The following DSC3 variants were observed in gnomAD, a reference collection of about 807,000 sequenced individuals.
The protein encoded by DSC3 is desmocollin-3.
Under a neutral mutation model 89.5 loss-of-function variants are expected in DSC3, and 97 were observed. That is an observed-to-expected ratio of 1.08 (90% CI 0.92 to 1.28). The LOEUF (loss-of-function observed/expected upper bound fraction) is 1.28. DSC3 is among the 50% of genes most tolerant of loss of function. DSC3 has a pLI of 0.00. For synonymous variants in DSC3, 436 were observed against 384.1 expected (o/e 1.14, Z -1.58); for missense variants, 1,199 against 1,085.3 (o/e 1.10, Z -1.47).
At chr18:31,033,319 G>A (rs1230654595) in intron 1 of DSC3, among the ~76,000 whole-genome samples, 1 of 151,346 alleles carries the variant, frequency 6.6e-6, no homozygotes, top group African/African-American at 2.4e-5. Context: ...AAATAAAATT[G>A]AAAATGAAAA....
rs1984281004 is a variant in DSC3, at chr18:30,992,174, A to AGG, written c.*2000_*2001insCC. The AGG allele has an allele frequency of 1.1e-5, 1 of 90,644 alleles. No homozygotes were observed. The highest frequency in any genetic ancestry group is 2.1e-5 in the Non-Finnish European group (1 of 46,656). 5.6% of individuals were successfully genotyped at this position (90,644 alleles called of 1,614,324 possible). ...GAGCGAGACTCCGTCTCAAAAAAAA[A>AGG]AGGGGGGGGGGGGGGCAATAAAAAG... On this transcript the variant is annotated 3_prime_UTR_variant, in exon 16 of 16. Coordinates refer to ENST00000360428, the MANE Select transcript of DSC3 (RefSeq NM_001941.5).
chr18:31,041,272 T>C (rs1586960), intron 1 of DSC3, among the ~76,000 whole-genome samples: 21,996 of 152,222 alleles, frequency 0.14, 1,668 homozygotes, highest in Admixed American at 0.19. Flanking sequence ...AAGCTGAAAA[T>C]GCTTTTAAAT....
chr18:31,011,866 G>A (rs560805830), intron 9 of DSC3, among the ~76,000 whole-genome samples: 14 of 147,888 alleles, frequency 9.5e-5, no homozygotes, highest in African/African-American at 3.0e-4. Flanking sequence ...GGAGGCATGC[G>A]CCTGTAGTCC....
rs1313168410 is a variant in DSC3, at chr18:30,996,000, GAAAA to G, written c.2493+787_2493+790del. 4.5e-3 allele frequency among the ~76,000 whole-genome samples: 359 copies of G among 79,936 alleles called. 11 individuals carry two copies. The highest frequency in any genetic ancestry group is 0.016 in the African/African-American group (334 of 20,764). The allele number at this position is 79,936 out of a possible 152,430, so 52.4% of individuals were successfully genotyped here. A position where few individuals can be genotyped will look rare whatever the true frequency, so the allele number is the denominator to read the frequency against. ...AAAAAAAAAAAAAAAAAAAAAAAAAGAAAAGAAAGAAAAAAGCTTCTGCTTCATA... is the reference window on the plus strand; with the variant it reads ...AAAAAAAAAAAAAAAAAAAAAAAAAGGAAAGAAAAAAGCTTCTGCTTCATA... On this transcript the variant is annotated intron_variant, in intron 15 of 15. Coordinates refer to ENST00000360428, the MANE Select transcript of DSC3 (RefSeq NM_001941.5).
Position 31,029,555 on chromosome 18 carries a change from G to C in DSC3, c.428C>G (p.Ser143Cys). The change falls in exon 4 of 16, where the codon TCT becomes TGT. Residue 143 changes from serine to cysteine, a missense_variant. Physicochemically the swap from Ser to Cys is moderately radical, Grantham distance 112. Coordinates refer to ENST00000360428, the MANE Select transcript of DSC3 (RefSeq NM_001941.5). ...AKRRWAPIPC[S>C]MQENSLGPFP... is the part of the protein sequence containing the mutation. ...AGGGCCCAAGGAATTCTCTTGCATA[G>C]AGCAAGGAATAGGTGCCCATCTCCT... 1 of 1,613,914 alleles carries C rather than the reference G, an allele frequency of 6.2e-7. No individual in the cohort carries two copies. Among genetic ancestry groups the C allele is most frequent in the Non-Finnish European group, 8.5e-7 (1 of 1,179,774 alleles).
At chr18:31,004,418 T>C in intron 12 of DSC3, 52 bp from the exon 13 acceptor site, 4 of 1,520,140 alleles carry the variant, frequency 2.6e-6, no homozygotes, top group Non-Finnish European at 2.7e-6. Flanking sequence ...ATTCTTCCCT[T>C]AGCATTTGTT....
intron 9 of DSC3, among the ~76,000 whole-genome samples, chr18:31,016,024 C>A (rs1318040583): frequency 6.6e-6 from 1 of 152,130 alleles, no homozygotes; most frequent in African/African-American, 2.4e-5. Context: ...CATTAGCATG[C>A]TAAAAGACAT....
In DSC3 at chr18:31,031,112, C is replaced by G; in HGVS notation, c.215G>C (p.Arg72Thr). 6.2e-7 allele frequency: 1 copy of G among 1,613,612 alleles called. No individual in the cohort carries two copies. Residue 72 changes from arginine to threonine, a missense_variant, in exon 3 of 16, where the codon AGA becomes ACA. By Grantham distance (71) the Arg-to-Thr change is moderately conservative. Transcript: ENST00000360428. ...GTACACTGACCCATCATTTAGAACT[C>G]TGAAATCAGGATCACTTGACCGGAT... is the stretch of plus-strand genomic sequence containing the variant. ...DLIRSSDPDF[R>T]VLNDGSVYTA... is the part of the protein sequence containing the mutation.
chr18:31,033,998 G>A (rs1985890052), intron 1 of DSC3, among the ~76,000 whole-genome samples: 2 of 152,008 alleles, frequency 1.3e-5, no homozygotes, highest in Admixed American at 1.3e-4. Flanking sequence ...TAATTTTTTT[G>A]TATTTTGTAG....
intron 15 of DSC3, among the ~76,000 whole-genome samples, chr18:30,996,137 A>T (rs1192160943): frequency 6.6e-6 from 1 of 151,934 alleles, no homozygotes; most frequent in Non-Finnish European, 1.5e-5. Flanking sequence ...TGCTTTGTAT[A>T]TTTAAAATAT....
chr18:31,004,402 T>C (rs779672359), intron 12 of DSC3, 36 bp from the exon 13 acceptor site: 2 of 1,572,150 alleles, frequency 1.3e-6, no homozygotes, highest in Admixed American at 3.4e-5. Context: ...TTTTTAATGA[T>C]CATTTATTCT....
chr18:31,019,520 C>G (rs934198290), intron 7 of DSC3, among the ~76,000 whole-genome samples: 2 of 152,172 alleles, frequency 1.3e-5, no homozygotes, highest in African/African-American at 4.8e-5. Flanking sequence ...TAGGCCAGCG[C>G]AGTGGCTCAC....
intron 12 of DSC3, 84 bp from the exon 13 acceptor site, chr18:31,004,450 G>T: frequency 4.6e-6 from 6 of 1,295,374 alleles, no homozygotes; most frequent in East Asian, 2.5e-5. Flanking sequence ...GTTTTTGAAG[G>T]CGTCATTCTC....
intron 4 of DSC3, among the ~76,000 whole-genome samples, chr18:31,026,670 T>C (rs969682528): frequency 3.3e-5 from 5 of 152,240 alleles, no homozygotes; most frequent in African/African-American, 1.2e-4. Flanking sequence ...AAGGACACTA[T>C]GTCAGAGGGT....
At chr18:31,002,032 C>T (rs187077109) in intron 13 of DSC3, among the ~76,000 whole-genome samples, 143 of 152,184 alleles carry the variant, frequency 9.4e-4, no homozygotes, top group African/African-American at 3.2e-3. Context: ...AAATCACTGA[C>T]ATTTAAGACA....
Position 31,008,025 on chromosome 18 carries a change from T to C in DSC3, c.1654A>G (p.Ile552Val). 1 of 1,612,832 alleles carries C rather than the reference T, an allele frequency of 6.2e-7. No homozygotes were observed. Among genetic ancestry groups the C allele is most frequent in the African/African-American group, 1.3e-5 (1 of 75,006 alleles). ...NELYNITVLA[I>V]DKDDRSCTGT... ...AAAACTTTTTTTTTACCTTTGTCTA[T>C]TGCCAGGACTGTAATATTATACAAC... Residue 552 changes from isoleucine to valine, a missense_variant, in exon 11 of 16, where the codon ATA becomes GTA. Ile to Val is a conservative substitution (Grantham distance 29). Transcript: ENST00000360428.
At chr18:31,002,201 C>T (rs920994929) in intron 13 of DSC3, among the ~76,000 whole-genome samples, 9 of 152,132 alleles carry the variant, frequency 5.9e-5, no homozygotes, top group Non-Finnish European at 1.2e-4. Flanking sequence ...ATTAAGAATT[C>T]TTATTCTAAA....
rs749512687 is a variant in DSC3 at position 31,024,340 on chromosome 18, C to A, written c.775+9G>T. ...AAATGATTCTTTTTATTCTTAAAAG[C>A]AGACTTACCAGGTCTACTACTTTCC... On this transcript the variant is annotated intron_variant, in intron 6 of 15. Coordinates refer to ENST00000360428, the MANE Select transcript of DSC3 (RefSeq NM_001941.5). 10 of 1,567,206 alleles carry A rather than the reference C, an allele frequency of 6.4e-6. No homozygotes were observed. Among genetic ancestry groups the A allele is most frequent in the Non-Finnish European group, 6.9e-6 (8 of 1,157,038 alleles).
intron 1 of DSC3, among the ~76,000 whole-genome samples, chr18:31,041,247 T>C (rs757220128): frequency 1.3e-5 from 2 of 152,298 alleles, no homozygotes; most frequent in East Asian, 1.9e-4. Context: ...CCCAAATGCA[T>C]GCTTGTAAAC....
Sources: allele counts gnomAD v4.1 joint callset (sites outside exome capture counted in the v4.1 genomes callset), GRCh38; gene constraint gnomAD v4.1.1; transcripts MANE v1.5; gene names NCBI Gene and HGNC (gene_info 2026-07-23, HGNC 2026-07-21).